The following SIK3 variants were observed in gnomAD, a reference collection of about 807,000 sequenced individuals.
SIK3 encodes the protein SIK family kinase 3.
Under a neutral mutation model 144.2 loss-of-function variants are expected in SIK3, and 28 were observed. The observed-to-expected ratio is 0.19, with a 90% CI of 0.14 to 0.27. The LOEUF is 0.27. Among genes scored for constraint, SIK3 ranks in the 10% least tolerant of loss-of-function variants. The pLI, the probability that SIK3 is intolerant of heterozygous loss-of-function variation, is 1.00. For missense variants in SIK3, 1,319 were observed against 1,776.0 expected (o/e 0.74, Z 4.62); for synonymous variants, 686 against 676.3 (o/e 1.01, Z -0.22).
intron 1 of SIK3, among the ~76,000 whole-genome samples, chr11:117,045,856 T>C (rs975509768): frequency 1.3e-5 from 2 of 152,250 alleles, no homozygotes; most frequent in African/African-American, 4.8e-5. Flanking sequence ...TGTGTAAAAA[T>C]GTATGAACTC....
chr11:116,994,017 A>G (rs1239850576), intron 1 of SIK3, among the ~76,000 whole-genome samples: 1 of 152,242 alleles, frequency 6.6e-6, no homozygotes, highest in East Asian at 1.9e-4. Flanking sequence ...AAACAGGTAT[A>G]AACAGTATAT....
intron 1 of SIK3, among the ~76,000 whole-genome samples, chr11:117,041,741 T>A (rs984690828): frequency 6.6e-6 from 1 of 152,182 alleles, no homozygotes; most frequent in African/African-American, 2.4e-5. Context: ...TAAATGATTA[T>A]CATGCTTTGT....
At chr11:117,016,812 G>A (rs1018022640) in intron 1 of SIK3, among the ~76,000 whole-genome samples, 2 of 152,090 alleles carry the variant, frequency 1.3e-5, no homozygotes, top group African/African-American at 4.8e-5. Flanking sequence ...GGGAGGGTGA[G>A]GAAATGTTCT....
intron 1 of SIK3, among the ~76,000 whole-genome samples, chr11:117,023,159 G>C (rs1951844614): frequency 6.6e-6 from 1 of 152,124 alleles, no homozygotes; most frequent in Non-Finnish European, 1.5e-5. Context: ...CTTATTAGCA[G>C]TTGTTGAGGC....
chr11:116,954,477 A>C (rs80172134), intron 2 of SIK3, among the ~76,000 whole-genome samples: 2 of 98,682 alleles, frequency 2.0e-5, no homozygotes, highest in African/African-American at 8.4e-5. Flanking sequence ...CTATCAAATC[A>C]AAAAAAAAAA....
intron 1 of SIK3, among the ~76,000 whole-genome samples, chr11:116,995,003 T>G (rs1020962141): frequency 6.6e-6 from 1 of 151,962 alleles, no homozygotes; most frequent in Non-Finnish European, 1.5e-5. Flanking sequence ...GCATGGTGGC[T>G]CACGCCTGTA....
At chr11:116,957,967 TGAA>T (rs1306472179) in intron 1 of SIK3, among the ~76,000 whole-genome samples, 1 of 152,190 alleles carries the variant, frequency 6.6e-6, no homozygotes, top group Non-Finnish European at 1.5e-5. Flanking sequence ...GAATGAACGA[TGAA>T]GGACTTTTAA....
intron 1 of SIK3, among the ~76,000 whole-genome samples, chr11:117,037,578 C>T (rs1591586652): frequency 2.0e-5 from 3 of 152,150 alleles, no homozygotes; most frequent in South Asian, 2.1e-4. Context: ...GTACTGAGGA[C>T]GGGGCAGCTC....
At chr11:117,040,558 G>A (rs1591592977) in intron 1 of SIK3, among the ~76,000 whole-genome samples, 1 of 152,270 alleles carries the variant, frequency 6.6e-6, no homozygotes, top group South Asian at 2.1e-4. Context: ...TGCCAAGGAA[G>A]AGATTACTTC....
intron 1 of SIK3, among the ~76,000 whole-genome samples, chr11:117,038,815 G>A (rs1952622558): frequency 2.0e-5 from 3 of 152,032 alleles, no homozygotes; most frequent in East Asian, 2.0e-4. Context: ...TTTGGGAGGC[G>A]GAGGCGGGCA....
intron 1 of SIK3, among the ~76,000 whole-genome samples, chr11:116,973,294 T>C (rs1334638975): frequency 6.6e-6 from 1 of 152,224 alleles, no homozygotes; most frequent in Non-Finnish European, 1.5e-5. Flanking sequence ...GGTAGACAAC[T>C]ATCATCTCCA....
intron 1 of SIK3, among the ~76,000 whole-genome samples, chr11:116,961,155 C>A (rs997362073): frequency 2.0e-5 from 3 of 152,220 alleles, no homozygotes; most frequent in Non-Finnish European, 4.4e-5. Flanking sequence ...CAGAGAGACA[C>A]TGGTCTACTT....
intron 3 of SIK3, among the ~76,000 whole-genome samples, chr11:116,931,034 TA>T (rs968201074): frequency 1.3e-5 from 2 of 151,946 alleles, no homozygotes; most frequent in Non-Finnish European, 2.9e-5. Flanking sequence ...TAAAACAAAG[TA>T]AAAAAAAGTA....
intron 1 of SIK3, among the ~76,000 whole-genome samples, chr11:117,090,038 C>T (rs1955175413): frequency 1.3e-5 from 2 of 152,226 alleles, no homozygotes; most frequent in Non-Finnish European, 2.9e-5. Flanking sequence ...TTCCGCAATT[C>T]TATTCTGAAC....
chr11:116,874,552 T>C (rs186059357), intron 11 of SIK3, among the ~76,000 whole-genome samples: 11 of 152,368 alleles, frequency 7.2e-5, no homozygotes, highest in Admixed American at 6.5e-4. Context: ...ATCTTTCCAC[T>C]AACAGAGCGA....
At chr11:117,017,783 C>T (rs979409019) in intron 1 of SIK3, among the ~76,000 whole-genome samples, 2 of 152,126 alleles carry the variant, frequency 1.3e-5, no homozygotes, top group Non-Finnish European at 2.9e-5. Flanking sequence ...CTCTATAAAT[C>T]TCAGTTTCCT....
chr11:117,023,452 G>A (rs1184370486), intron 1 of SIK3, among the ~76,000 whole-genome samples: 4 of 146,260 alleles, frequency 2.7e-5, no homozygotes, highest in African/African-American at 7.6e-5. Context: ...TCACTCTGTC[G>A]CTCAAGCTGG....
chr11:117,050,595 G>A (rs1223971119), intron 1 of SIK3, among the ~76,000 whole-genome samples: 2 of 151,688 alleles, frequency 1.3e-5, no homozygotes, highest in South Asian at 2.1e-4. Context: ...CTTGAGGCAG[G>A]AGAATCGCTT....
intron 1 of SIK3, among the ~76,000 whole-genome samples, chr11:116,964,885 A>AAATAATAAT (rs60005446): frequency 2.7e-5 from 4 of 150,862 alleles, no homozygotes; most frequent in African/African-American, 7.4e-5. Flanking sequence ...TCCATCTCAA[A>AAATAATAAT]AATAATAATA....
Sources: gnomAD v4.1 joint callset for allele counts (sites outside exome capture counted in the v4.1 genomes callset) on GRCh38, gnomAD v4.1.1 for gene constraint, MANE v1.5 for transcripts, NCBI Gene and HGNC (gene_info 2026-07-23, HGNC 2026-07-21) for gene names.